Variants in CDH13 observed in about 807,000 individuals in gnomAD.
CDH13 encodes the protein cadherin 13.
Under a neutral mutation model 63.8 loss-of-function variants are expected in CDH13, and 24 were observed. That is an observed-to-expected ratio of 0.38 (90% CI 0.27 to 0.53). The LOEUF is 0.53. Among genes scored for constraint, CDH13 ranks in the 20% least tolerant of loss-of-function variants. CDH13 has a pLI of 0.85. For missense variants in CDH13, 1,049 were observed against 903.1 expected (o/e 1.16, Z -2.07); for synonymous variants, 503 against 355.3 (o/e 1.42, Z -4.67).
At chr16:83,324,119 C>A (rs2090304070) in intron 5 of CDH13, among the ~76,000 whole-genome samples, 1 of 151,128 alleles carries the variant, frequency 6.6e-6, no homozygotes. Flanking sequence ...GTCACTGCAA[C>A]CTCCACCTCC....
chr16:83,705,288 G>C (rs16961372), intron 10 of CDH13, among the ~76,000 whole-genome samples: 65,944 of 151,950 alleles, frequency 0.43, 14,703 homozygotes, highest in Middle Eastern at 0.63. Flanking sequence ...GGAAAACAAA[G>C]TAGACAACCA....
chr16:82,707,128 G>C (rs1340336717), intron 1 of CDH13, among the ~76,000 whole-genome samples: 1 of 152,212 alleles, frequency 6.6e-6, no homozygotes, highest in Non-Finnish European at 1.5e-5. Context: ...AAAGCGTAAA[G>C]TTGGAAATGT....
chr16:82,969,534 G>A (rs928837331), intron 2 of CDH13, among the ~76,000 whole-genome samples: 1 of 143,116 alleles, frequency 7.0e-6, no homozygotes, highest in Non-Finnish European at 1.5e-5. Context: ...AGAGTGGAAA[G>A]ATGATGGGGC....
At chr16:83,602,074 C>G (rs1208310464) in intron 7 of CDH13, among the ~76,000 whole-genome samples, 1 of 85,872 alleles carries the variant, frequency 1.2e-5, no homozygotes, top group East Asian at 3.9e-4. Context: ...GAGAGTGAGA[C>G]TCTGTCTCAA....
chr16:83,489,731 C>T (rs2073967389), intron 7 of CDH13, among the ~76,000 whole-genome samples: 1 of 152,178 alleles, frequency 6.6e-6, no homozygotes, highest in Non-Finnish European at 1.5e-5. Context: ...AATATTATTT[C>T]TGAAGACCTT....
At chr16:83,309,073 G>C (rs970357934) in intron 5 of CDH13, among the ~76,000 whole-genome samples, 3 of 152,086 alleles carry the variant, frequency 2.0e-5, no homozygotes, top group African/African-American at 7.2e-5. Context: ...CTGTGGCTTG[G>C]TGCTTGTCCC....
chr16:83,621,279 G>A (rs950921242), intron 8 of CDH13, among the ~76,000 whole-genome samples: 5 of 152,074 alleles, frequency 3.3e-5, no homozygotes, highest in Admixed American at 2.6e-4. Flanking sequence ...CTCTCCAGTG[G>A]TCTAGCCCTT....
intron 2 of CDH13, among the ~76,000 whole-genome samples, chr16:83,007,655 C>T (rs1913674366): frequency 1.3e-5 from 2 of 151,954 alleles, no homozygotes; most frequent in African/African-American, 4.8e-5. Flanking sequence ...CATGGCAAAA[C>T]CCTGTATCTA....
At chr16:83,126,114 A>C (rs1233220345) in intron 4 of CDH13, among the ~76,000 whole-genome samples, 1 of 152,222 alleles carries the variant, frequency 6.6e-6, no homozygotes. Flanking sequence ...AATTTTGAGC[A>C]GTTTGTACTT....
intron 2 of CDH13, among the ~76,000 whole-genome samples, chr16:83,015,822 G>T (rs74743745): frequency 0.03 from 4,554 of 149,958 alleles, 101 homozygotes; most frequent in Non-Finnish European, 0.045. Flanking sequence ...TATAATCACA[G>T]TAATGTACTT....
chr16:82,785,566 C>G (rs1276797301), intron 1 of CDH13, among the ~76,000 whole-genome samples: 3 of 152,188 alleles, frequency 2.0e-5, no homozygotes, highest in Non-Finnish European at 2.9e-5. Flanking sequence ...TAATCATGCA[C>G]TTGATTTTAA....
chr16:83,768,639 C>G (rs1265757234), intron 11 of CDH13, among the ~76,000 whole-genome samples: 1 of 152,062 alleles, frequency 6.6e-6, no homozygotes, highest in African/African-American at 2.4e-5. Flanking sequence ...TGCTGGTTGC[C>G]CATGTTTATA....
intron 8 of CDH13, among the ~76,000 whole-genome samples, chr16:83,619,197 C>T (rs961628509): frequency 6.6e-6 from 1 of 152,198 alleles, no homozygotes; most frequent in Admixed American, 6.5e-5. Context: ...TCCTCTTTTC[C>T]AGGCTCTGTG....
At chr16:83,115,977 G>T (rs747970896) in intron 3 of CDH13, among the ~76,000 whole-genome samples, 1 of 152,168 alleles carries the variant, frequency 6.6e-6, no homozygotes, top group African/African-American at 2.4e-5. Flanking sequence ...GTCAAGCTGC[G>T]TCTGGCCTTG....
intron 10 of CDH13, among the ~76,000 whole-genome samples, chr16:83,742,292 C>T (rs1048564124): frequency 2.0e-5 from 3 of 152,168 alleles, no homozygotes; most frequent in East Asian, 1.9e-4. Flanking sequence ...GCGCTGCCTG[C>T]GACTCGAATT....
intron 1 of CDH13, among the ~76,000 whole-genome samples, chr16:82,847,611 T>C (rs2039314674): frequency 6.6e-6 from 1 of 152,256 alleles, no homozygotes; most frequent in Non-Finnish European, 1.5e-5. Flanking sequence ...TAATGTTAGC[T>C]GATTCCCAAC....
rs1348395598 is a variant in CDH13 at position 83,629,224 on chromosome 16, A to G, written c.1101+26630A>G. On this transcript the variant is annotated intron_variant, in intron 8 of 13. Transcript: ENST00000567109. ...TTTCATACCTGCACAATTTACCTAAATAGAGATTGCCCAAAGAAGTTTTGC... is the reference window on the plus strand; with the variant it reads ...TTTCATACCTGCACAATTTACCTAAGTAGAGATTGCCCAAAGAAGTTTTGC... 2.0e-5 allele frequency among the ~76,000 whole-genome samples: 3 copies of G among 152,240 alleles called. No homozygotes were observed. The East Asian group carries it at 5.8e-4, about 29-fold the overall frequency.
chr16:83,457,029 G>A (rs1011060716), intron 6 of CDH13, among the ~76,000 whole-genome samples: 1 of 152,158 alleles, frequency 6.6e-6, no homozygotes, highest in Non-Finnish European at 1.5e-5. Flanking sequence ...TAAGCAAGAG[G>A]CAGGTTACTA....
At chr16:82,946,778 A>T (rs531679151) in intron 2 of CDH13, among the ~76,000 whole-genome samples, 1 of 152,292 alleles carries the variant, frequency 6.6e-6, no homozygotes, top group East Asian at 1.9e-4. Context: ...TCAAGGCAAC[A>T]TATCTGATTT....
Sources: allele counts gnomAD v4.1 joint callset (sites outside exome capture counted in the v4.1 genomes callset), GRCh38; gene constraint gnomAD v4.1.1; transcripts MANE v1.5; gene names NCBI Gene and HGNC (gene_info 2026-07-23, HGNC 2026-07-21).